MROH1: variants seen among roughly 807,000 people sequenced by gnomAD.
The protein encoded by MROH1 is maestro heat like repeat family member 1.
In MROH1, 117 loss-of-function variants were observed where a neutral mutation model predicts 116.5. The observed-to-expected ratio is 1.00, with a 90% CI of 0.86 to 1.17. The LOEUF is 1.17. Among genes scored for constraint, MROH1 ranks in the 50% most tolerant of loss-of-function variants. The pLI is 0.00. For synonymous variants in MROH1, 921 were observed against 583.9 expected, an observed-to-expected ratio of 1.58 and a Z score of -8.32; for missense variants, 1,873 against 1,338.5, an observed-to-expected ratio of 1.40 and a Z score of -6.23.
chr8:144,234,709 G>A (rs1293982339), intron 14 of MROH1, among the ~76,000 whole-genome samples: 2 of 146,702 alleles, frequency 1.4e-5, no homozygotes, highest in Non-Finnish European at 3.0e-5. Flanking sequence ...GTAAAAATGG[G>A]GTTTCACCAT....
Position 144,260,952 on chromosome 8 carries a change from G to A in MROH1, c.4582G>A (p.Glu1528Lys). ...LRMCGPNLAC[E>K]ELSAAFQKHL... ...CATGTGTGGCCCCAATCTGGCATGT[G>A]AGGAGCTCTCAGCTGCTTTCCAGAA... Residue 1528 changes from glutamate to lysine, a missense_variant, in exon 41 of 44, where the codon GAG (glutamate) becomes AAG (lysine). Coordinates refer to ENST00000326134, the MANE Select transcript of MROH1 (RefSeq NM_032450.3). 1.3e-6 allele frequency: 1 copy of A among 777,778 alleles called. No homozygotes were observed. The highest frequency in any genetic ancestry group is 2.4e-6 in the Non-Finnish European group (1 of 417,768). 48.2% of individuals were successfully genotyped at this position (777,778 alleles called of 1,614,324 possible).
chr8:144,239,133 G>T lies in MROH1; in HGVS notation c.1545G>T (p.Arg515Ser). Residue 515 changes from arginine to serine, a missense_variant, in exon 16 of 44, where the codon AGG becomes AGT. Coordinates refer to ENST00000326134, the MANE Select transcript of MROH1 (RefSeq NM_032450.3). ...GCCTCGTGCATCTGGCGCAGAAGAG[G>T]CAGGAGGCCGGGGCCGACGCCTTCC... Reference protein sequence around the residue: ...CRSLVHLAQKRQEAGADAFLI... With the variant: ...CRSLVHLAQKSQEAGADAFLI... The T allele has an allele frequency of 1.3e-6, 1 of 771,676 alleles. No individual in the cohort carries two copies. The highest frequency in any genetic ancestry group is 2.4e-6 in the Non-Finnish European group (1 of 417,530). The allele number at this position is 771,676 out of a possible 1,614,324, so 47.8% of individuals were successfully genotyped here.
At chr8:144,260,133 T>C (rs2130044798) in intron 38 of MROH1, 53 bp from the exon 39 acceptor site, 1 of 757,516 alleles carries the variant, frequency 1.3e-6, no homozygotes, top group East Asian at 2.4e-5. Context: ...CCCTGTCTTG[T>C]GGGGTAGCAG....
rs1837142218 is a variant in MROH1 at position 144,223,126 on chromosome 8, C to T, written c.1234C>T (p.Gln412Ter). ...TNSKVKRAVV[Q>*]VISAMAHHGY... ...TGGGCAGGTGAAGCGGGCAGTGGTG[C>T]AGGTGATTAGCGCCATGGCCCACCA... The change falls in exon 14 of 44, where the codon CAG becomes TAG. Residue 412 changes from glutamine (Q) to a stop codon, truncating the protein, a stop_gained. Coordinates refer to ENST00000326134, the MANE Select transcript of MROH1 (RefSeq NM_032450.3). LOFTEE classifies it high-confidence loss of function. 6.2e-7 allele frequency: 1 copy of T among 1,613,134 alleles called. No individual in the cohort carries two copies. Among genetic ancestry groups the T allele is most frequent in the Admixed American group, 1.7e-5 (1 of 59,916 alleles).
chr8:144,256,918 G>C (rs927912175), intron 35 of MROH1, among the ~76,000 whole-genome samples: 1 of 152,232 alleles, frequency 6.6e-6, no homozygotes, highest in African/African-American at 2.4e-5. Flanking sequence ...TGCAGGGCTC[G>C]AGGCCTGGAG....
intron 3 of MROH1, among the ~76,000 whole-genome samples, chr8:144,167,889 C>A (rs762858247): frequency 2.6e-5 from 4 of 152,004 alleles, no homozygotes; most frequent in Non-Finnish European, 5.9e-5. Context: ...CCTCGGGGAG[C>A]CTTCCTGAAG....
chr8:144,156,098 C>T (rs1257591154), intron 1 of MROH1, among the ~76,000 whole-genome samples: 4 of 151,570 alleles, frequency 2.6e-5, no homozygotes, highest in African/African-American at 9.7e-5. Context: ...ATTAGCTGGG[C>T]GTGGGGCGCA....
chr8:144,222,576 G>T (rs1228877776), intron 13 of MROH1, among the ~76,000 whole-genome samples: 1 of 151,970 alleles, frequency 6.6e-6, no homozygotes, highest in Non-Finnish European at 1.5e-5. Context: ...ATATGGGTGT[G>T]AGTGCAGGCT....
chr8:144,213,286 G>T, intron 12 of MROH1: 1 of 574,062 alleles, frequency 1.7e-6, no homozygotes, highest in Non-Finnish European at 3.1e-6. Context: ...AAGAGCTCAT[G>T]GGAACATGAT....
intron 3 of MROH1, among the ~76,000 whole-genome samples, chr8:144,167,843 G>A (rs193134174): frequency 6.6e-6 from 1 of 152,280 alleles, no homozygotes. Flanking sequence ...GTGGGCAATG[G>A]GGCCATGGGG....
chr8:144,166,453 C>T (rs751201561), intron 3 of MROH1, among the ~76,000 whole-genome samples: 8 of 152,148 alleles, frequency 5.3e-5, no homozygotes, highest in Non-Finnish European at 5.9e-5. Context: ...GCTCGGGCTG[C>T]CCCCGCGTCC....
chr8:144,223,308 C>T lies in MROH1; in HGVS notation c.1338+78C>T, dbSNP rs1837185988. On this transcript the variant is annotated intron_variant, in intron 14 of 43. Coordinates refer to ENST00000326134, the MANE Select transcript of MROH1 (RefSeq NM_032450.3). ...TGTTAGGCACTGGCATCAGGAGCCA[C>T]TGGCCCAGCAGAGGGTGGATATGTG... 8 of 1,516,144 alleles carry T rather than the reference C, an allele frequency of 5.3e-6. No homozygotes were observed. In the South Asian group the frequency reaches 8.6e-5, roughly 16 times the overall value. The allele number at this position is 1,516,144 out of a possible 1,614,324, so 93.9% of individuals were successfully genotyped here. A position where few individuals can be genotyped will look rare whatever the true frequency, so the allele number is the denominator to read the frequency against.
intron 31 of MROH1, among the ~76,000 whole-genome samples, chr8:144,248,561 C>T (rs997491259): frequency 1.3e-5 from 2 of 152,222 alleles, no homozygotes; most frequent in Admixed American, 1.3e-4. Flanking sequence ...GACTGCACCA[C>T]AGGGCTGCTC....
intron 1 of MROH1, among the ~76,000 whole-genome samples, chr8:144,155,592 G>A (rs1817834771): frequency 6.6e-6 from 1 of 151,566 alleles, no homozygotes; most frequent in Non-Finnish European, 1.5e-5. Flanking sequence ...TGTTGTTCAA[G>A]GACCAACTGT....
rs1821570467 is a variant in MROH1 at position 144,168,528 on chromosome 8, AGCAGTGGGTC to A, written c.168+90_168+99del. ...TTTGGGAAGAGACAGTCCAGCCAGG[AGCAGTGGGTC>A]GGGTGTTACGCAGGGGTGGCCACAT... On this transcript the variant is annotated intron_variant, in intron 4 of 43. Transcript: ENST00000326134. 52 of 1,487,920 alleles carry A rather than the reference AGCAGTGGGTC, an allele frequency of 3.5e-5. 1 individual carries two copies. In the South Asian group the frequency reaches 6.1e-4, roughly 17 times the overall value. The allele number at this position is 1,487,920 out of a possible 1,614,324, so 92.2% of individuals were successfully genotyped here. A position where few individuals can be genotyped will look rare whatever the true frequency, so the allele number is the denominator to read the frequency against.
At chr8:144,219,183 C>T (rs550743647) in intron 12 of MROH1, among the ~76,000 whole-genome samples, 60 of 151,876 alleles carry the variant, frequency 4.0e-4, no homozygotes, top group South Asian at 2.1e-3. Context: ...CCACCATGCC[C>T]GGCTAATTTT....
At chr8:144,152,590 AGGCT>A (rs1817093285) in intron 1 of MROH1, among the ~76,000 whole-genome samples, 1 of 150,696 alleles carries the variant, frequency 6.6e-6, no homozygotes, top group Non-Finnish European at 1.5e-5. Context: ...TCTGTCGCCC[AGGCT>A]GGAGTGCAGT....
rs762382573 is a variant in MROH1, at chr8:144,180,151, G to A, written c.301-27G>A. 21 of 1,612,760 alleles carry A rather than the reference G, an allele frequency of 1.3e-5. No individual in the cohort carries two copies. The highest frequency in any genetic ancestry group is 1.7e-5 in the Non-Finnish European group (20 of 1,179,180). On this transcript the variant is annotated intron_variant, in intron 5 of 43. Transcript: ENST00000326134. This position sits in a 1 kb window ranked among gnomAD's most constrained non-coding sequence, Gnocchi z 7.4. ...CAGAATGTCTTGGTCTTGCCTTTTG[G>A]TCTACCTGCCGGTGTTTTGGGTTCA...
intron 10 of MROH1, among the ~76,000 whole-genome samples, chr8:144,194,570 G>A (rs915410974): frequency 4.6e-5 from 7 of 152,144 alleles, no homozygotes; most frequent in South Asian, 4.1e-4. Context: ...AAGGGAAGAT[G>A]GTCATTATTC....
Sources: allele counts gnomAD v4.1 joint callset (sites outside exome capture counted in the v4.1 genomes callset), GRCh38; gene constraint gnomAD v4.1.1; non-coding constraint Gnocchi (gnomAD v3.1); transcripts MANE v1.5; gene names NCBI Gene and HGNC (gene_info 2026-07-23, HGNC 2026-07-21).